Variants in IL1RAPL1 observed in about 807,000 individuals in gnomAD.
IL1RAPL1 encodes the protein interleukin-1 receptor accessory protein-like 1.
A neutral mutation model predicts 48.4 loss-of-function variants in IL1RAPL1; 3 were observed. That is an observed-to-expected ratio of 0.06 (90% CI 0.03 to 0.16). IL1RAPL1 has a LOEUF of 0.16. IL1RAPL1 is among the 10% of genes least tolerant of loss of function. The pLI, the probability that IL1RAPL1 is intolerant of heterozygous loss-of-function variation, is 1.00. For missense variants in IL1RAPL1, 349 were observed against 530.6 expected, an observed-to-expected ratio of 0.66 and a Z score of 3.36; for synonymous variants, 185 against 187.7, an observed-to-expected ratio of 0.99 and a Z score of 0.12.
intron 2 of IL1RAPL1, among the ~76,000 whole-genome samples, chrX:29,177,327 T>C (rs969215662): frequency 5.4e-5 from 6 of 111,746 alleles, no homozygotes; most frequent in African/African-American, 2.0e-4. Flanking sequence ...ACATTCACAA[T>C]TATACTCTTA....
In IL1RAPL1 at chrX:28,803,010, T is replaced by C. The variant is rs189058056; in HGVS notation, c.82+13585T>C. On this transcript the variant is annotated intron_variant, in intron 2 of 10. Transcript: ENST00000378993. ...AAAGAGTATATATATATTTCTCCTATATTTTGCTACATTTTTATAATAGAA... is the reference window on the plus strand; with the variant it reads ...AAAGAGTATATATATATTTCTCCTACATTTTGCTACATTTTTATAATAGAA... Among the ~76,000 whole-genome samples the C allele has an allele frequency of 3.5e-3, 391 of 111,584 alleles. 3 individuals are homozygous for C. Among genetic ancestry groups the C allele is most frequent in the African/African-American group, 0.011 (337 of 30,835 alleles).
chrX:29,312,470 C>T (rs1038604467), intron 3 of IL1RAPL1, among the ~76,000 whole-genome samples: 1 of 111,211 alleles, frequency 9.0e-6, no homozygotes, highest in African/African-American at 3.3e-5. Context: ...CTCTTATTCC[C>T]CTCCCCAGGG....
In IL1RAPL1 at chrX:29,205,051, G is replaced by T. The variant is rs191948890; in HGVS notation, c.83-77887G>T. ...CTGGTGTCAGCATCCTAGGGACTTG[G>T]CCCTGAGTTGTTAGAAACTATGCTA... On this transcript the variant is annotated intron_variant, in intron 2 of 10. Transcript: ENST00000378993. Among the ~76,000 whole-genome samples the T allele has an allele frequency of 6.3e-5, 7 of 111,838 alleles. No individual in the cohort carries two copies. The South Asian group carries it at 1.9e-3, about 30-fold the overall frequency.
At chrX:28,856,793 A>G (rs1331379318) in intron 2 of IL1RAPL1, among the ~76,000 whole-genome samples, 1 of 111,304 alleles carries the variant, frequency 9.0e-6, no homozygotes, top group Non-Finnish European at 1.9e-5. Context: ...CAAGACACAA[A>G]AATACTGAAA....
intron 3 of IL1RAPL1, among the ~76,000 whole-genome samples, chrX:29,363,652 C>T (rs2147660869): frequency 9.0e-6 from 1 of 111,421 alleles, no homozygotes; most frequent in South Asian, 3.8e-4. Context: ...ATAGTAGCTT[C>T]TGCATCTCGG....
At chrX:28,893,638 G>A (rs1922830750) in intron 2 of IL1RAPL1, among the ~76,000 whole-genome samples, 1 of 111,419 alleles carries the variant, frequency 9.0e-6, no homozygotes, top group Non-Finnish European at 1.9e-5. Context: ...AGGGAAGGGA[G>A]GAGGCCTGAA....
At chrX:29,512,023 T>G (rs769104945) in intron 5 of IL1RAPL1, among the ~76,000 whole-genome samples, 40 of 111,577 alleles carry the variant, frequency 3.6e-4, no homozygotes, top group Non-Finnish European at 5.5e-4. Context: ...ATGTAGCATG[T>G]CCAATGTAAT....
chrX:28,672,952 C>G (rs975558288), intron 1 of IL1RAPL1, among the ~76,000 whole-genome samples: 1 of 111,365 alleles, frequency 9.0e-6, no homozygotes, highest in Non-Finnish European at 1.9e-5. Flanking sequence ...CTCCCTCCTC[C>G]CACCCTCCAC....
chrX:29,804,324 G>C (rs2147173712), intron 6 of IL1RAPL1, among the ~76,000 whole-genome samples: 1 of 111,150 alleles, frequency 9.0e-6, no homozygotes, highest in East Asian at 2.8e-4. Flanking sequence ...TTCAGGGTAT[G>C]ATCCATATTC....
chrX:29,849,110 C>T (rs1451487492), intron 6 of IL1RAPL1, among the ~76,000 whole-genome samples: 1 of 108,744 alleles, frequency 9.2e-6, no homozygotes, highest in Non-Finnish European at 1.9e-5. Context: ...CTCTTACCAA[C>T]CTCATGGGAA....
intron 2 of IL1RAPL1, among the ~76,000 whole-genome samples, chrX:28,839,121 G>A (rs950959556): frequency 9.0e-6 from 1 of 111,619 alleles, no homozygotes; most frequent in Non-Finnish European, 1.9e-5. Flanking sequence ...TATTCTGTGC[G>A]AACACTTGGA....
chrX:29,764,170 G>A (rs1569162540), intron 6 of IL1RAPL1, among the ~76,000 whole-genome samples: 1 of 111,117 alleles, frequency 9.0e-6, no homozygotes, highest in African/African-American at 3.3e-5. Context: ...AGTTTCAGTG[G>A]TTTTCATTGA....
intron 6 of IL1RAPL1, among the ~76,000 whole-genome samples, chrX:29,812,013 T>A (rs1340349547): frequency 8.9e-6 from 1 of 111,782 alleles, no homozygotes; most frequent in Non-Finnish European, 1.9e-5. Context: ...ATGACAATAT[T>A]GATAAGAAAA....
At chrX:28,781,281 G>A (rs1936420633) in intron 1 of IL1RAPL1, among the ~76,000 whole-genome samples, 1 of 107,813 alleles carries the variant, frequency 9.3e-6, no homozygotes, top group African/African-American at 3.4e-5. Flanking sequence ...TTGCAAACTT[G>A]AGGGTTTTTT....
At chrX:29,284,294 G>A (rs956289675) in intron 3 of IL1RAPL1, among the ~76,000 whole-genome samples, 1 of 112,152 alleles carries the variant, frequency 8.9e-6, no homozygotes, top group Non-Finnish European at 1.9e-5. Context: ...GGGTGTGCTA[G>A]GACATTGAAA....
intron 2 of IL1RAPL1, among the ~76,000 whole-genome samples, chrX:28,928,489 C>T (rs1923805034): frequency 8.9e-6 from 1 of 111,908 alleles, no homozygotes; most frequent in Non-Finnish European, 1.9e-5. Context: ...TCCTTCATGT[C>T]CTAACCTCTG....
chrX:28,850,441 A>G (rs2147296543), intron 2 of IL1RAPL1, among the ~76,000 whole-genome samples: 1 of 110,775 alleles, frequency 9.0e-6, no homozygotes, highest in African/African-American at 3.3e-5. Flanking sequence ...CCCATTGCTG[A>G]GGGATGTGGG....
At chrX:28,658,626 T>C (rs1308565726) in intron 1 of IL1RAPL1, among the ~76,000 whole-genome samples, 1 of 110,694 alleles carries the variant, frequency 9.0e-6, no homozygotes, top group Non-Finnish European at 1.9e-5. Context: ...TACTTGGATG[T>C]AGGACAACTC....
intron 2 of IL1RAPL1, among the ~76,000 whole-genome samples, chrX:29,182,084 G>T (rs1038879828): frequency 2.0e-5 from 2 of 99,923 alleles, no homozygotes; most frequent in Non-Finnish European, 4.1e-5. Flanking sequence ...TGTTATTAGA[G>T]AGTTGGAACT....
Sources: gnomAD v4.1 joint callset for allele counts (sites outside exome capture counted in the v4.1 genomes callset) on GRCh38, gnomAD v4.1.1 for gene constraint, MANE v1.5 for transcripts, NCBI Gene and HGNC (gene_info 2026-07-23, HGNC 2026-07-21) for gene names.